Variants in CD163L1 observed in about 807,000 individuals in gnomAD.
The protein encoded by CD163L1 is scavenger receptor cysteine-rich type 1 protein M160.
CD163L1 carries 124 observed loss-of-function variants against 165.4 expected under a neutral mutation model. That is an observed-to-expected ratio of 0.75 (90% CI 0.65 to 0.87). The LOEUF (loss-of-function observed/expected upper bound fraction) is 0.87, where lower values mean the gene tolerates loss of function less well. Ranked by LOEUF, CD163L1 falls within the 40% of genes least tolerant of loss-of-function variation. CD163L1 has a pLI of 0.00. For missense variants in CD163L1, 1,525 were observed against 1,799.9 expected (o/e 0.85, Z 2.76); for synonymous variants, 585 against 662.2 (o/e 0.88, Z 1.79).
chr12:7,395,064 T>C (rs1431071730), intron 8 of CD163L1, among the ~76,000 whole-genome samples: 1 of 152,250 alleles, frequency 6.6e-6, no homozygotes, highest in East Asian at 1.9e-4. Flanking sequence ...GAACTAGAAA[T>C]ACCATTTGAC....
At chr12:7,360,056 T>G (rs374561309) in intron 18 of CD163L1, among the ~76,000 whole-genome samples, 10 of 152,154 alleles carry the variant, frequency 6.6e-5, no homozygotes, top group African/African-American at 2.4e-4. Flanking sequence ...AACAAATTTG[T>G]GAAGTTTTCA....
At chr12:7,328,958 A>T in the CD163L1 span, among the ~76,000 whole-genome samples, 2 of 148,962 alleles carry the variant, frequency 1.3e-5, no homozygotes, top group Non-Finnish European at 3.0e-5. Context: ...TATATACTGT[A>T]TATCTAGATA....
chr12:7,333,608 AAAGCTAGCAGAAGGCAAGAAATAACT>A, the CD163L1 span, among the ~76,000 whole-genome samples: 1 of 152,342 alleles, frequency 6.6e-6, no homozygotes, highest in East Asian at 1.9e-4. Context: ...AACACATTCA[AAAGCTAGCAGAAGGCAAGAAATAACT>A]AAGATCAGAG....
At chr12:7,439,235 T>C (rs1043002301) in intron 2 of CD163L1, 2 of 1,576,896 alleles carry the variant, frequency 1.3e-6, no homozygotes, top group African/African-American at 2.7e-5. Context: ...AAATTTTCTT[T>C]TTTTGTTTTT....
chr12:7,379,483 A>G (rs1177232015), intron 8 of CD163L1, among the ~76,000 whole-genome samples, 185 bp from the exon 9 acceptor site: 1 of 152,160 alleles, frequency 6.6e-6, no homozygotes, highest in East Asian at 1.9e-4. Flanking sequence ...TTTTTATTGG[A>G]TAAAAAATAA....
chr12:7,362,469 T>C (rs1158962758), intron 18 of CD163L1, among the ~76,000 whole-genome samples: 1 of 139,340 alleles, frequency 7.2e-6, no homozygotes, highest in African/African-American at 2.6e-5. Context: ...ATTCTAATAA[T>C]TTATTCTGTA....
intron 18 of CD163L1, among the ~76,000 whole-genome samples, chr12:7,361,280 G>A (rs904969737): frequency 6.6e-6 from 1 of 152,080 alleles, no homozygotes; most frequent in Admixed American, 6.5e-5. Flanking sequence ...CTCCCTCTAT[G>A]TGATTTCCTC....
chr12:7,365,672 C>T (rs1379666517), intron 18 of CD163L1, among the ~76,000 whole-genome samples: 1 of 151,998 alleles, frequency 6.6e-6, no homozygotes. Context: ...CTCAACAACA[C>T]TAATAATCAG....
the CD163L1 span, among the ~76,000 whole-genome samples, chr12:7,329,728 G>A: frequency 6.6e-6 from 1 of 151,944 alleles, no homozygotes; most frequent in African/African-American, 2.4e-5. Flanking sequence ...ATGCTCAAAT[G>A]TCAGTAAAAA....
chr12:7,360,173 G>A (rs1474273484), intron 18 of CD163L1, among the ~76,000 whole-genome samples: 3 of 150,262 alleles, frequency 2.0e-5, no homozygotes, highest in Admixed American at 6.6e-5. Context: ...ATGGAGTTTC[G>A]CTCTTGTCAC....
Position 7,367,304 on chromosome 12 carries a change from T to C in CD163L1, c.4211A>G (p.Glu1404Gly), listed in dbSNP as rs1349588029. 1 of 1,613,202 alleles carries C rather than the reference T, an allele frequency of 6.2e-7. No homozygotes were observed. The highest frequency in any genetic ancestry group is 8.5e-7 in the Non-Finnish European group (1 of 1,179,410). Residue 1404 changes from glutamate to glycine, a missense_variant, in exon 18 of 20, where the codon GAG (glutamate) becomes GGG (glycine). Glu to Gly is a moderately conservative substitution (Grantham distance 98). Coordinates refer to ENST00000313599, the MANE Select transcript of CD163L1 (RefSeq NM_174941.6). ...RVSTRRRGSLEENLFHEMETC... is the reference protein window; with the variant it reads ...RVSTRRRGSLGENLFHEMETC... ...CTCCATCTCATGGAATAAATTCTCCTCGAGAGAACCCCTCCTTCTGGTTGA... is the reference window on the plus strand; with the variant it reads ...CTCCATCTCATGGAATAAATTCTCCCCGAGAGAACCCCTCCTTCTGGTTGA...
intron 7 of CD163L1, among the ~76,000 whole-genome samples, chr12:7,396,675 T>A (rs1396133989): frequency 2.6e-5 from 4 of 152,122 alleles, no homozygotes; most frequent in African/African-American, 7.2e-5. Context: ...AAAGAAGGAA[T>A]TCTACCTCCG....
At chr12:7,367,092 T>G (rs1200785664) in intron 18 of CD163L1, 144 bp downstream of exon 18, 7 of 437,262 alleles carry the variant, frequency 1.6e-5, no homozygotes, top group East Asian at 1.6e-4. Context: ...TTTTATTTTA[T>G]CTATTCCCCG....
the CD163L1 span, chr12:7,324,624 A>G: frequency 1.9e-6 from 3 of 1,607,626 alleles, no homozygotes; most frequent in South Asian, 3.3e-5. Flanking sequence ...TTATTAAAGA[A>G]GCAACATCAT....
At chr12:7,404,786 C>T (rs1947985364) in intron 5 of CD163L1, among the ~76,000 whole-genome samples, 1 of 152,078 alleles carries the variant, frequency 6.6e-6, no homozygotes, top group Non-Finnish European at 1.5e-5. Context: ...TAGTTCTCAA[C>T]CTATACCTGT....
chr12:7,330,129 A>G, the CD163L1 span, among the ~76,000 whole-genome samples: 1 of 152,214 alleles, frequency 6.6e-6, no homozygotes, highest in African/African-American at 2.4e-5. Context: ...AACATCAGTA[A>G]GAGTTAACAT....
chr12:7,334,713 A>C, the CD163L1 span, among the ~76,000 whole-genome samples: 1 of 152,244 alleles, frequency 6.6e-6, no homozygotes, highest in Non-Finnish European at 1.5e-5. Flanking sequence ...CCCTGTTTGC[A>C]GATGACATGA....
At chr12:7,439,872 G>A (rs1948792925) in intron 2 of CD163L1, 2 of 1,609,982 alleles carry the variant, frequency 1.2e-6, no homozygotes, top group Middle Eastern at 1.7e-4. Flanking sequence ...TCGCGGCTGC[G>A]TCATTATCCC....
chr12:7,331,937 G>C, the CD163L1 span, among the ~76,000 whole-genome samples: 129 of 152,320 alleles, frequency 8.5e-4, 1 homozygote, highest in South Asian at 6.8e-3. Flanking sequence ...GAGGGAGAAT[G>C]ACTTTGACAA....
Sources: allele counts gnomAD v4.1 joint callset (sites outside exome capture counted in the v4.1 genomes callset), GRCh38; gene constraint gnomAD v4.1.1; transcripts MANE v1.5; gene names NCBI Gene and HGNC (gene_info 2026-07-23, HGNC 2026-07-21).